CNOT6: variants seen among roughly 807,000 people sequenced by gnomAD.
CNOT6 encodes the protein carbon catabolite repression 4 protein.
A neutral mutation model predicts 61.2 loss-of-function variants in CNOT6; 12 were observed. The ratio of observed to expected loss-of-function variants is 0.20; its 90% CI spans 0.13 to 0.32. The LOEUF is 0.32. Among genes scored for constraint, CNOT6 ranks in the 10% least tolerant of loss-of-function variants. The pLI, the probability that CNOT6 is intolerant of heterozygous loss-of-function variation, is 1.00. For missense variants in CNOT6, 405 were observed against 663.9 expected (o/e 0.61, Z 4.28); for synonymous variants, 225 against 240.6 (o/e 0.94, Z 0.60).
intron 1 of CNOT6, among the ~76,000 whole-genome samples, chr5:180,508,818 T>TAATTTTA: frequency 7.2e-6 from 1 of 138,496 alleles, no homozygotes; most frequent in South Asian, 2.3e-4. Context: ...ATTAATTAAT[T>TAATTTTA]TTATTATTAT....
intron 1 of CNOT6, among the ~76,000 whole-genome samples, chr5:180,515,541 G>A (rs1757593919): frequency 6.6e-6 from 1 of 152,172 alleles, no homozygotes; most frequent in Admixed American, 6.5e-5. Context: ...TAGGAGAGTG[G>A]CATGAGCAGG....
chr5:180,535,985 A>G (rs1305823355), intron 2 of CNOT6, among the ~76,000 whole-genome samples: 1 of 116,394 alleles, frequency 8.6e-6, no homozygotes, highest in Admixed American at 9.6e-5. Flanking sequence ...CCCACTTATT[A>G]GGGTTTTTTT....
At chr5:180,571,785 A>G (rs544924647) in intron 11 of CNOT6, among the ~76,000 whole-genome samples, 1 of 150,664 alleles carries the variant, frequency 6.6e-6, no homozygotes, top group East Asian at 2.0e-4. Flanking sequence ...CTGATCTTGA[A>G]CTCCTGGCCT....
chr5:180,577,736 T>C lies in CNOT6; in HGVS notation c.*3536T>C, dbSNP rs1240792212. The C allele has an allele frequency of 2.0e-5, 3 of 152,666 alleles. No individual in the cohort carries two copies. The highest frequency in any genetic ancestry group is 1.5e-5 in the Non-Finnish European group (1 of 68,058). The allele number at this position is 152,666 out of a possible 1,614,324, so 9.5% of individuals were successfully genotyped here. On this transcript the variant is annotated 3_prime_UTR_variant, in exon 12 of 12. Transcript: ENST00000261951. ...ATGTAACAAAACCCAGCACATTATC[T>C]GCACTATAAGCTCAAAGAATGTCAC...
chr5:180,549,541 T>TC (rs1759491588), intron 2 of CNOT6, among the ~76,000 whole-genome samples: 3 of 151,936 alleles, frequency 2.0e-5, no homozygotes, highest in Non-Finnish European at 2.9e-5. Flanking sequence ...TCCCAGCTAC[T>TC]TGGAGGCTGA....
At chr5:180,514,488 G>A (rs1757545587) in intron 1 of CNOT6, among the ~76,000 whole-genome samples, 1 of 152,156 alleles carries the variant, frequency 6.6e-6, no homozygotes, top group Admixed American at 6.5e-5. Flanking sequence ...CTTGGCTTTA[G>A]GAAGAATAAT....
chr5:180,547,406 G>A lies in CNOT6; in HGVS notation c.113-2525G>A, dbSNP rs536277902. Among the ~76,000 whole-genome samples the A allele has an allele frequency of 5.3e-5, 8 of 152,020 alleles. No individual in the cohort carries two copies. In the South Asian group the frequency reaches 1.7e-3, roughly 32 times the overall value. ...GTGGTGGCGGGCGCCTGTAATCCCA[G>A]CTACCCAGGAGGCTGAGGCAGGAGA... On this transcript the variant is annotated intron_variant, in intron 2 of 11. Coordinates refer to ENST00000261951, the MANE Select transcript of CNOT6 (RefSeq NM_001370472.1).
At chr5:180,503,880 C>T (rs1303443550) in intron 1 of CNOT6, among the ~76,000 whole-genome samples, 1 of 152,004 alleles carries the variant, frequency 6.6e-6, no homozygotes. Context: ...GCTGGGATTA[C>T]AGGCGTGAGC....
rs758138808 is a variant in CNOT6 at position 180,553,370 on chromosome 5, A to G, written c.300-16A>G. 5 of 1,600,816 alleles carry G rather than the reference A, an allele frequency of 3.1e-6. No homozygotes were observed. The Admixed American group carries it at 8.5e-5, about 27-fold the overall frequency. On this transcript the variant is annotated splice_polypyrimidine_tract_variant and intron_variant, in intron 3 of 11. Transcript: ENST00000261951. ...TAACATATTTTTCTGACTTCCTGGA[A>G]TTTTTACATCAACAGGGAGCTCCAT...
intron 1 of CNOT6, among the ~76,000 whole-genome samples, chr5:180,523,680 G>T (rs1184124075): frequency 6.6e-6 from 1 of 151,920 alleles, no homozygotes; most frequent in Non-Finnish European, 1.5e-5. Flanking sequence ...TTCATATTCT[G>T]CTAAGTCTCT....
chr5:180,510,550 A>G (rs1757343431), intron 1 of CNOT6, among the ~76,000 whole-genome samples: 1 of 152,176 alleles, frequency 6.6e-6, no homozygotes, highest in Non-Finnish European at 1.5e-5. Context: ...CACTTGGCAA[A>G]ACAGCAGGCG....
intron 2 of CNOT6, among the ~76,000 whole-genome samples, chr5:180,547,535 AAAG>A (rs1208263296): frequency 6.6e-6 from 1 of 152,102 alleles, no homozygotes; most frequent in Admixed American, 6.6e-5. Flanking sequence ...AGAGAAAAGA[AAAG>A]AAAATTGTGC....
chr5:180,551,750 T>C (rs942026872), intron 3 of CNOT6, among the ~76,000 whole-genome samples: 2 of 152,134 alleles, frequency 1.3e-5, no homozygotes, highest in Non-Finnish European at 2.9e-5. Context: ...TTTTGAAAGG[T>C]CTTTGCCTCT....
chr5:180,563,172 G>A (rs1329887696), intron 4 of CNOT6, among the ~76,000 whole-genome samples: 1 of 152,006 alleles, frequency 6.6e-6, no homozygotes, highest in Non-Finnish European at 1.5e-5. Flanking sequence ...ATAGTTAACA[G>A]TGTTTGCCAA....
At position 180,569,131 on chromosome 5, in the gene CNOT6, C is replaced by A; in HGVS notation, c.1049C>A (p.Thr350Lys). 6.2e-7 allele frequency: 1 copy of A among 1,613,756 alleles called. No homozygotes were observed. The highest frequency in any genetic ancestry group is 8.5e-7 in the Non-Finnish European group (1 of 1,179,802). The change falls in exon 10 of 12, where the codon ACA (threonine) becomes AAA (lysine). Residue 350 changes from threonine to lysine, a missense_variant. Thr to Lys is a moderately conservative substitution (Grantham distance 78). Around this residue, in one of 5 missense-constraint regions of CNOT6, gnomAD observed 116 missense variants for 184.6 expected, o/e 0.63. Transcript: ENST00000261951. ...GTAGCCGGAAAGCCACATCTTGGAA[C>A]AGAAAAACAACTTATTCTTGTGGCT... ...EMPSGKPHLG[T>K]EKQLILVANA... is the part of the protein sequence containing the mutation.
At chr5:180,564,808 C>A in intron 6 of CNOT6, 65 bp downstream of exon 6, 3 of 1,204,974 alleles carry the variant, frequency 2.5e-6, no homozygotes, top group South Asian at 1.3e-5. Flanking sequence ...ACAGTATTGT[C>A]AGCATGCTTA....
At chr5:180,508,627 TTA>T (rs1319920470) in intron 1 of CNOT6, among the ~76,000 whole-genome samples, 1 of 151,362 alleles carries the variant, frequency 6.6e-6, no homozygotes, top group Admixed American at 6.6e-5. Flanking sequence ...GTTTTTTATT[TTA>T]TGTTTTTATT....
chr5:180,524,353 C>A (rs942804455), intron 1 of CNOT6, among the ~76,000 whole-genome samples: 1 of 152,142 alleles, frequency 6.6e-6, no homozygotes, highest in Non-Finnish European at 1.5e-5. Flanking sequence ...TTTACCTAAT[C>A]TGCAGTGCTA....
intron 1 of CNOT6, among the ~76,000 whole-genome samples, chr5:180,511,421 C>T (rs1757388388): frequency 6.6e-6 from 1 of 152,042 alleles, no homozygotes; most frequent in Non-Finnish European, 1.5e-5. Flanking sequence ...ACCATCCTGG[C>T]TAACACAGTG....
Sources: gnomAD v4.1 joint callset for allele counts (sites outside exome capture counted in the v4.1 genomes callset) on GRCh38, gnomAD v4.1.1 for gene constraint, gnomAD v4.1.1 regional missense constraint, MANE v1.5 for transcripts, NCBI Gene and HGNC (gene_info 2026-07-23, HGNC 2026-07-21) for gene names.